Variants in NDUFS4 observed in about 807,000 individuals in gnomAD.
NDUFS4 encodes NADH dehydrogenase [ubiquinone] iron-sulfur protein 4, mitochondrial.
In NDUFS4, 28 loss-of-function variants were observed where a neutral mutation model predicts 24.3. The ratio of observed to expected loss-of-function variants is 1.15; its 90% confidence interval spans 0.85 to 1.58. The LOEUF (loss-of-function observed/expected upper bound fraction) is 1.58, where lower values mean the gene tolerates loss of function less well. Among genes scored for constraint, NDUFS4 ranks in the 40% most tolerant of loss-of-function variants. The probability of loss-of-function intolerance (pLI) is 0.00; values close to 1 mark genes in which losing one functional copy is unlikely to be tolerated. For synonymous variants in NDUFS4, 93 were observed against 69.7 expected (o/e 1.34, Z -1.67); for missense variants, 223 against 207.9 (o/e 1.07, Z -0.45).
At chr5:53,563,665 C>G (rs987092620) in intron 1 of NDUFS4, among the ~76,000 whole-genome samples, 13 of 152,048 alleles carry the variant, frequency 8.5e-5, no homozygotes, top group Non-Finnish European at 1.3e-4. Context: ...CCTCGCCCAG[C>G]TAATTTTTTT....
chr5:53,615,777 C>A (rs1340122115), intron 2 of NDUFS4, among the ~76,000 whole-genome samples: 1 of 152,004 alleles, frequency 6.6e-6, no homozygotes, highest in Non-Finnish European at 1.5e-5. Context: ...ATAAAATAGA[C>A]ATGAAAAATA....
intron 3 of NDUFS4, among the ~76,000 whole-genome samples, chr5:53,653,413 A>G (rs1752074609): frequency 6.6e-6 from 1 of 152,052 alleles, no homozygotes; most frequent in African/African-American, 2.4e-5. Context: ...TCCCCTTTAC[A>G]CTGTTCTAAC....
chr5:53,563,880 C>G (rs1748938113), intron 1 of NDUFS4, among the ~76,000 whole-genome samples: 1 of 152,180 alleles, frequency 6.6e-6, no homozygotes, highest in Non-Finnish European at 1.5e-5. Flanking sequence ...ATTCTAAATG[C>G]ATTTATCAGC....
chr5:53,591,473 G>GT (rs70983362), intron 1 of NDUFS4, among the ~76,000 whole-genome samples: 1 of 97,016 alleles, frequency 1.0e-5, no homozygotes, highest in Non-Finnish European at 2.1e-5. Context: ...GGGGGGGGGG[G>GT]TGATAATAAC....
chr5:53,617,075 T>A (rs1750862684), intron 2 of NDUFS4, among the ~76,000 whole-genome samples: 1 of 152,172 alleles, frequency 6.6e-6, no homozygotes, highest in Non-Finnish European at 1.5e-5. Context: ...AGGGAAAACA[T>A]GTTAAAGATT....
At chr5:53,606,426 G>A (rs189469938) in intron 2 of NDUFS4, among the ~76,000 whole-genome samples, 22 of 151,920 alleles carry the variant, frequency 1.4e-4, no homozygotes, top group African/African-American at 3.9e-4. Context: ...GGAGTGCAGC[G>A]GCGCGATCTC....
intron 1 of NDUFS4, chr5:53,573,516 G>C: frequency 2.3e-6 from 1 of 436,836 alleles, no homozygotes; most frequent in Non-Finnish European, 4.5e-6. Context: ...TATATGTTTC[G>C]TTAGATTTAT....
intron 2 of NDUFS4, among the ~76,000 whole-genome samples, chr5:53,636,827 C>A (rs977974116): frequency 1.3e-5 from 2 of 152,048 alleles, no homozygotes; most frequent in Admixed American, 6.6e-5. Context: ...AAAAGTATGT[C>A]GCATCTGCCC....
chr5:53,603,609 C>A, intron 2 of NDUFS4, 79 bp downstream of exon 2: 2 of 1,142,016 alleles, frequency 1.8e-6, no homozygotes, highest in South Asian at 1.3e-5. Flanking sequence ...GTATGGTGTT[C>A]CAGGTTTTCA....
rs1311917986 is a variant in NDUFS4 at position 53,603,453 on chromosome 5, T to C, written c.100T>C (p.Ser34Pro). 1 of 1,613,228 alleles carries C rather than the reference T, an allele frequency of 6.2e-7. No homozygotes were observed. The highest frequency in any genetic ancestry group is 1.7e-5 in the Admixed American group (1 of 59,970). ...TTAACTTAAAGTCTTGCACTGCAGG[T>C]CGTTGAGGACTTCCACATGGAGATT... ...ALSVSRVPTR[S>P]LRTSTWRLAQ... Residue 34 changes from serine to proline, a missense_variant and splice_region_variant, in exon 2 of 5, where the codon TCG becomes CCG. Physicochemically the swap from Ser to Pro is moderately conservative, Grantham distance 74. Transcript: ENST00000296684.
intron 1 of NDUFS4, among the ~76,000 whole-genome samples, chr5:53,573,044 A>G (rs1231033250): frequency 2.2e-5 from 3 of 138,884 alleles, no homozygotes; most frequent in South Asian, 2.2e-4. Context: ...ATAATGGCTT[A>G]CTGCAGCCTT....
chr5:53,614,160 TTAAC>T (rs1165579433), intron 2 of NDUFS4, among the ~76,000 whole-genome samples: 1 of 151,960 alleles, frequency 6.6e-6, no homozygotes, highest in African/African-American at 2.4e-5. Flanking sequence ...CCTGTTATAT[TTAAC>T]TATGATGATC....
At position 53,609,588 on chromosome 5, in the gene NDUFS4, G is replaced by A. The variant is rs375497168; in HGVS notation, c.177+6058G>A. On this transcript the variant is annotated intron_variant, in intron 2 of 4. Transcript: ENST00000296684. ...ACCGGAATTGCATTAGCCTCTAAGA[G>A]TCAGCCTGTCCTTTGAAGCTTTGAA... is the stretch of plus-strand genomic sequence containing the variant. 1.4e-4 allele frequency among the ~76,000 whole-genome samples: 22 copies of A among 152,288 alleles called. 1 individual carries two copies. The highest frequency in any genetic ancestry group is 4.6e-4 in the Admixed American group (7 of 15,296).
At chr5:53,611,925 C>A (rs1282554381) in intron 2 of NDUFS4, among the ~76,000 whole-genome samples, 1 of 151,940 alleles carries the variant, frequency 6.6e-6, no homozygotes, top group East Asian at 1.9e-4. Context: ...GTAGGTACTC[C>A]CCTAAAAAAC....
At chr5:53,658,330 A>G (rs1330592096) in intron 3 of NDUFS4, among the ~76,000 whole-genome samples, 1 of 152,162 alleles carries the variant, frequency 6.6e-6, no homozygotes, top group East Asian at 1.9e-4. Context: ...TGCCTTTGCA[A>G]TTATGAATTT....
intron 4 of NDUFS4, among the ~76,000 whole-genome samples, chr5:53,676,473 A>T (rs777783968): frequency 6.6e-6 from 1 of 152,144 alleles, no homozygotes; most frequent in African/African-American, 2.4e-5. Context: ...TCAACATTGA[A>T]CTCACAGCCA....
At chr5:53,564,855 A>G (rs557000922) in intron 1 of NDUFS4, among the ~76,000 whole-genome samples, 38 of 152,314 alleles carry the variant, frequency 2.5e-4, no homozygotes, top group African/African-American at 8.4e-4. Context: ...TTAATATGTA[A>G]TGTCGGCATA....
intron 4 of NDUFS4, among the ~76,000 whole-genome samples, chr5:53,661,040 A>G (rs1002986070): frequency 2.0e-5 from 3 of 152,088 alleles, no homozygotes; most frequent in Admixed American, 6.5e-5. Flanking sequence ...TTTTGTTGCC[A>G]TTGCTTTTGG....
intron 1 of NDUFS4, among the ~76,000 whole-genome samples, chr5:53,564,613 C>T (rs892214338): frequency 2.0e-5 from 3 of 152,144 alleles, no homozygotes; most frequent in African/African-American, 7.2e-5. Flanking sequence ...AATCTTGGCT[C>T]ATGCAACCTC....
Sources: allele counts gnomAD v4.1 joint callset (sites outside exome capture counted in the v4.1 genomes callset), GRCh38; gene constraint gnomAD v4.1.1; transcripts MANE v1.5; gene names NCBI Gene and HGNC (gene_info 2026-07-23, HGNC 2026-07-21).